Variants in KCTD8 observed in about 807,000 individuals in gnomAD.
The protein encoded by KCTD8 is BTB/POZ domain-containing protein KCTD8.
In KCTD8, 27 loss-of-function variants were observed where a neutral mutation model predicts 31.5. That is an observed-to-expected ratio of 0.86 (90% CI 0.63 to 1.18). KCTD8 has a LOEUF of 1.18. Among genes scored for constraint, KCTD8 ranks in the 50% most tolerant of loss-of-function variants. The pLI is 0.00. For synonymous variants in KCTD8, 290 were observed against 280.0 expected, an observed-to-expected ratio of 1.04 and a Z score of -0.36; for missense variants, 658 against 647.7, an observed-to-expected ratio of 1.02 and a Z score of -0.17.
At chr4:44,374,924 C>A (rs189370401) in intron 1 of KCTD8, among the ~76,000 whole-genome samples, 1 of 151,832 alleles carries the variant, frequency 6.6e-6, no homozygotes, top group Non-Finnish European at 1.5e-5. Flanking sequence ...ATGAAGTGAG[C>A]GCATGCTGTC....
chr4:44,235,991 C>T (rs1335143157), intron 1 of KCTD8, among the ~76,000 whole-genome samples: 3 of 152,068 alleles, frequency 2.0e-5, no homozygotes, highest in Non-Finnish European at 4.4e-5. Flanking sequence ...GATGATGAAA[C>T]ACTACAAGGC....
chr4:44,446,735 G>C lies in KCTD8; in HGVS notation c.961+828C>G, dbSNP rs567947381. On this transcript the variant is annotated intron_variant, in intron 1 of 1. Transcript: ENST00000360029. ...GGACTCAACCCCCGCTTTCGCGCTG[G>C]AGAAGGAAACACAATCATTCTCTCT... is the stretch of plus-strand genomic sequence containing the variant. 1.8e-4 allele frequency among the ~76,000 whole-genome samples: 27 copies of C among 152,224 alleles called. 1 individual carries two copies. Among genetic ancestry groups the C allele is most frequent in the African/African-American group, 6.5e-4 (27 of 41,528 alleles).
At chr4:44,180,341 AAG>A (rs931468041) in intron 1 of KCTD8, among the ~76,000 whole-genome samples, 93 of 152,316 alleles carry the variant, frequency 6.1e-4, no homozygotes, top group African/African-American at 2.2e-3. Context: ...TGTAAAAAAA[AAG>A]AGTTAATTAT....
intron 1 of KCTD8, among the ~76,000 whole-genome samples, chr4:44,222,390 G>A (rs1714832695): frequency 6.6e-6 from 1 of 152,172 alleles, no homozygotes; most frequent in Admixed American, 6.5e-5. Flanking sequence ...ATCATGTCTT[G>A]TCTTTCATTA....
At chr4:44,249,482 G>A (rs1715763733) in intron 1 of KCTD8, among the ~76,000 whole-genome samples, 1 of 151,582 alleles carries the variant, frequency 6.6e-6, no homozygotes, top group Non-Finnish European at 1.5e-5. Context: ...AAATAATTTA[G>A]AATTTTCAGG....
intron 1 of KCTD8, among the ~76,000 whole-genome samples, chr4:44,356,762 G>T (rs1015870851): frequency 6.6e-6 from 1 of 152,108 alleles, no homozygotes; most frequent in Non-Finnish European, 1.5e-5. Context: ...GTGAGCCACC[G>T]TGCTTGGCCT....
chr4:44,384,952 T>C (rs924212842), intron 1 of KCTD8, among the ~76,000 whole-genome samples: 2 of 150,250 alleles, frequency 1.3e-5, no homozygotes, highest in East Asian at 3.9e-4. Context: ...AGCAAGAAAA[T>C]TTTAAAAATA....
chr4:44,358,743 G>C (rs1169243832), intron 1 of KCTD8, among the ~76,000 whole-genome samples: 1 of 151,902 alleles, frequency 6.6e-6, no homozygotes, highest in Admixed American at 6.6e-5. Context: ...TAATTTTTTT[G>C]TATTTTTAGC....
At chr4:44,394,947 A>G (rs1304264359) in intron 1 of KCTD8, among the ~76,000 whole-genome samples, 7 of 152,124 alleles carry the variant, frequency 4.6e-5, no homozygotes, top group African/African-American at 1.4e-4. Flanking sequence ...CTTTTCCTTC[A>G]TGATGGTCCT....
intron 1 of KCTD8, among the ~76,000 whole-genome samples, chr4:44,262,777 T>C (rs890788632): frequency 6.6e-5 from 10 of 152,122 alleles, no homozygotes; most frequent in Admixed American, 5.9e-4. Flanking sequence ...TTACTAAAGA[T>C]AGCTGCACAC....
At chr4:44,317,515 AGGCGT>A (rs1718172221) in intron 1 of KCTD8, among the ~76,000 whole-genome samples, 5 of 140,950 alleles carry the variant, frequency 3.5e-5, no homozygotes, top group African/African-American at 1.6e-4. Context: ...CTGGGATTAC[AGGCGT>A]GAGCCACCGC....
chr4:44,306,694 A>C (rs1717814031), intron 1 of KCTD8, among the ~76,000 whole-genome samples: 1 of 151,890 alleles, frequency 6.6e-6, no homozygotes, highest in African/African-American at 2.4e-5. Context: ...TCAGTCCTGA[A>C]CATGTTCTGT....
intron 1 of KCTD8, among the ~76,000 whole-genome samples, chr4:44,446,947 GT>G (rs982686652): frequency 2.0e-5 from 3 of 152,148 alleles, no homozygotes; most frequent in Admixed American, 6.5e-5. Flanking sequence ...CTGTCAAGGA[GT>G]CCCCTTTCCC....
chr4:44,397,717 A>G (rs1247787418), intron 1 of KCTD8, among the ~76,000 whole-genome samples: 1 of 152,166 alleles, frequency 6.6e-6, no homozygotes, highest in Non-Finnish European at 1.5e-5. Context: ...TCTTCTTACA[A>G]AAAAATGAAG....
At position 44,447,969 on chromosome 4, in the gene KCTD8, G is replaced by T; in HGVS notation, c.555C>A (p.Ala185=). Residue 185 remains alanine, a synonymous_variant, in exon 1 of 2, where the codon GCC becomes GCA. Coordinates refer to ENST00000360029, the MANE Select transcript of KCTD8 (RefSeq NM_198353.3). ...CGTGCGCTCCCGGGCCCGAGGGCAC[G>T]GCGGCCGCCGCCCCGCGCAGCAGCA... ...DALLLRGAAA[A]VPSGPGAHGG... is the part of the protein sequence containing the mutation. 6.5e-7 allele frequency: 1 copy of T among 1,529,514 alleles called. No homozygotes were observed. Among genetic ancestry groups the T allele is most frequent in the Non-Finnish European group, 8.8e-7 (1 of 1,136,990 alleles). The allele number at this position is 1,529,514 out of a possible 1,614,324, so 94.7% of individuals were successfully genotyped here.
At chr4:44,414,885 AT>A (rs1213479043) in intron 1 of KCTD8, among the ~76,000 whole-genome samples, 1 of 152,076 alleles carries the variant, frequency 6.6e-6, no homozygotes, top group Non-Finnish European at 1.5e-5. Flanking sequence ...GATACTTGAG[AT>A]TGTGGAAGCA....
intron 1 of KCTD8, among the ~76,000 whole-genome samples, chr4:44,221,440 AG>A (rs1714805420): frequency 6.6e-6 from 1 of 152,080 alleles, no homozygotes; most frequent in Admixed American, 6.6e-5. Flanking sequence ...CTAATAGGAT[AG>A]ATGTATATAT....
At chr4:44,302,346 A>G (rs1717652537) in intron 1 of KCTD8, among the ~76,000 whole-genome samples, 1 of 152,192 alleles carries the variant, frequency 6.6e-6, no homozygotes, top group African/African-American at 2.4e-5. Flanking sequence ...CTTCCTACCC[A>G]TGAGCATGGA....
At position 44,283,162 on chromosome 4, in the gene KCTD8, G is replaced by T. The variant is rs566103163; in HGVS notation, c.962-107912C>A. Among the ~76,000 whole-genome samples the T allele has an allele frequency of 1.3e-4, 20 of 151,572 alleles. No homozygotes were observed. The South Asian group carries it at 4.2e-3, about 32-fold the overall frequency. ...CCTCCCAGGTCCAAGATATTCTCCC[G>T]CTTCAGCCTCCCAAGTAGTTGGGAT... is the stretch of plus-strand genomic sequence containing the variant. On this transcript the variant is annotated intron_variant, in intron 1 of 1. Transcript: ENST00000360029.
Sources: allele counts gnomAD v4.1 joint callset (sites outside exome capture counted in the v4.1 genomes callset), GRCh38; gene constraint gnomAD v4.1.1; transcripts MANE v1.5; gene names NCBI Gene and HGNC (gene_info 2026-07-23, HGNC 2026-07-21).